Variants in TPRX1 observed in about 807,000 individuals in gnomAD.
TPRX1 encodes tetra-peptide repeat homeobox protein 1.
Under a neutral mutation model 8.1 loss-of-function variants are expected in TPRX1, and 2 were observed. The ratio of observed to expected loss-of-function variants is 0.25; its 90% CI spans 0.10 to 0.78. TPRX1 has a LOEUF of 0.78. Among genes scored for constraint, TPRX1 ranks in the 30% least tolerant of loss-of-function variants. The probability of loss-of-function intolerance (pLI) is 0.70; values close to 1 mark genes in which losing one functional copy is unlikely to be tolerated. For synonymous variants in TPRX1, 257 were observed against 254.1 expected (o/e 1.01, Z -0.11); for missense variants, 517 against 586.9 (o/e 0.88, Z 1.23).
At chr19:47,803,197 G>C (rs370580045) in intron 3 of TPRX1, among the ~76,000 whole-genome samples, 1,575 of 151,816 alleles carry the variant, frequency 0.01, 36 homozygotes, top group Middle Eastern at 0.062. Flanking sequence ...TGGGAGGAGC[G>C]GGGTCTGCCG....
At chr19:47,802,203 G>A (rs1323792176) in exon 4 of TPRX1, 1 of 1,612,296 alleles carries the variant, frequency 6.2e-7, no homozygotes, top group Non-Finnish European at 8.5e-7. Context: ...GCTGGGCTGG[G>A]AATCGGGCCT....
At chr19:47,803,028 C>T (rs1478397765) in intron 3 of TPRX1, 48 bp from the exon 3 acceptor site, 3 of 1,500,114 alleles carry the variant, frequency 2.0e-6, no homozygotes, top group Non-Finnish European at 2.7e-6. Context: ...GGGGCTCGCG[C>T]GGCCCAGTGA....
chr19:47,802,524 TCGGGGC>T (rs1967685882), exon 4 of TPRX1: 1 of 1,543,716 alleles, frequency 6.5e-7, no homozygotes, highest in African/African-American at 1.4e-5. Flanking sequence ...GGGCCTGGGA[TCGGGGC>T]TGGGCCTGAA....
chr19:47,811,246 A>C (rs1426789184), intron 2 of TPRX1, among the ~76,000 whole-genome samples: 1 of 151,440 alleles, frequency 6.6e-6, no homozygotes, highest in African/African-American at 2.4e-5. Context: ...TCAGGTGGTC[A>C]GCCCTCCTCA....
chr19:47,813,619 C>T (rs908699090), intron 2 of TPRX1, among the ~76,000 whole-genome samples: 1 of 152,034 alleles, frequency 6.6e-6, no homozygotes, highest in African/African-American at 2.4e-5. Flanking sequence ...CTCTGTCTCC[C>T]CCTTTCTCTG....
At chr19:47,807,775 C>T (rs1318484513) in intron 2 of TPRX1, among the ~76,000 whole-genome samples, 1 of 152,018 alleles carries the variant, frequency 6.6e-6, no homozygotes, top group Non-Finnish European at 1.5e-5. Context: ...TGTGGATTGG[C>T]CAAGATCAAA....
At chr19:47,813,810 G>A (rs1967806730) in intron 2 of TPRX1, among the ~76,000 whole-genome samples, 1 of 152,010 alleles carries the variant, frequency 6.6e-6, no homozygotes, top group African/African-American at 2.4e-5. Context: ...CCTGGCCTAA[G>A]AGGATTGGAA....
chr19:47,808,058 T>G (rs1330250862), intron 2 of TPRX1, among the ~76,000 whole-genome samples: 1 of 151,958 alleles, frequency 6.6e-6, no homozygotes, highest in African/African-American at 2.4e-5. Context: ...GCCTCCTGAG[T>G]AGGTGGGACT....
At position 47,803,069 on chromosome 19, in the gene TPRX1, T is replaced by G. The variant is rs1444907164; in HGVS notation, c.322-89A>C. 4 of 1,415,712 alleles carry G rather than the reference T, an allele frequency of 2.8e-6. No individual in the cohort carries two copies. In the Admixed American group the frequency reaches 7.8e-5, roughly 28 times the overall value. 87.7% of individuals were successfully genotyped at this position (1,415,712 alleles called of 1,614,324 possible). A position where few individuals can be genotyped will look rare whatever the true frequency, so the allele number is the denominator to read the frequency against. ...TTGGGGTCGGGGCCAGCCTGAAGCC[T>G]CTCCCTGTGCTCAACAGCCCCCCAT... is the stretch of plus-strand genomic sequence containing the variant. On this transcript the variant is annotated intron_variant, in intron 3 of 3. Transcript: ENST00000535759.
At chr19:47,803,845 C>T (rs1368373465) in intron 2 of TPRX1, among the ~76,000 whole-genome samples, 172 bp from the exon 2 acceptor site, 1 of 151,500 alleles carries the variant, frequency 6.6e-6, no homozygotes, top group Non-Finnish European at 1.5e-5. Flanking sequence ...CCTCAGGGTC[C>T]ACATCTAGGA....
intron 2 of TPRX1, among the ~76,000 whole-genome samples, chr19:47,806,953 G>A (rs190960420): frequency 6.6e-6 from 1 of 152,052 alleles, no homozygotes; most frequent in Non-Finnish European, 1.5e-5. Context: ...CCAGGCTGGA[G>A]TGCAGTAGTG....
chr19:47,806,601 C>T (rs1382346806), intron 2 of TPRX1, among the ~76,000 whole-genome samples: 2 of 152,108 alleles, frequency 1.3e-5, no homozygotes, highest in East Asian at 3.8e-4. Context: ...TGGGATATTA[C>T]TCAACCATGA....
At chr19:47,818,388 C>CTCCG (rs1967870067) in intron 2 of TPRX1, 1 of 341,736 alleles carries the variant, frequency 2.9e-6, no homozygotes, top group Non-Finnish European at 5.8e-6. Context: ...CCATCCATCC[C>CTCCG]TCCATCCATC....
intron 2 of TPRX1, among the ~76,000 whole-genome samples, chr19:47,805,373 G>T (rs1049032440): frequency 6.6e-6 from 1 of 152,122 alleles, no homozygotes; most frequent in Non-Finnish European, 1.5e-5. Context: ...ACCGCTGCTG[G>T]TCTGCCCTTG....
chr19:47,802,784 G>A, exon 4 of TPRX1: 1 of 1,605,090 alleles, frequency 6.2e-7, no homozygotes, highest in African/African-American at 1.3e-5. Flanking sequence ...GCCACCCCAG[G>A]CCTGGTGGAG....
chr19:47,814,322 T>C (rs574664864), intron 2 of TPRX1, among the ~76,000 whole-genome samples: 33 of 152,210 alleles, frequency 2.2e-4, no homozygotes, highest in African/African-American at 7.5e-4. Flanking sequence ...CCCAAAGTGT[T>C]GGGATTACAG....
intron 2 of TPRX1, among the ~76,000 whole-genome samples, chr19:47,816,529 A>ATTTTTTTTTTT (rs35029272): frequency 8.7e-6 from 1 of 114,688 alleles, no homozygotes; most frequent in Non-Finnish European, 1.8e-5. Flanking sequence ...ACCCCTGGGA[A>ATTTTTTTTTTT]TTTTTTTTTT....
At chr19:47,806,444 C>T (rs547601138) in intron 2 of TPRX1, among the ~76,000 whole-genome samples, 4 of 152,084 alleles carry the variant, frequency 2.6e-5, no homozygotes, top group South Asian at 4.2e-4. Context: ...CACTTGAACC[C>T]GGGAGGCAGA....
chr19:47,810,086 C>A, intron 2 of TPRX1, among the ~76,000 whole-genome samples: 1 of 151,426 alleles, frequency 6.6e-6, no homozygotes, highest in East Asian at 2.0e-4. Context: ...GAAACCCTGT[C>A]TCTACTAGAA....
Sources: gnomAD v4.1 joint callset for allele counts (sites outside exome capture counted in the v4.1 genomes callset) on GRCh38, gnomAD v4.1.1 for gene constraint, MANE v1.5 for transcripts, NCBI Gene and HGNC (gene_info 2026-07-23, HGNC 2026-07-21) for gene names.